Variants in NUP160 observed in about 807,000 individuals in gnomAD.
NUP160 encodes nucleoporin 160, also known as nuclear pore complex protein Nup160.
In NUP160, 94 loss-of-function variants were observed where a neutral mutation model predicts 196.9. The observed-to-expected ratio is 0.48, with a 90% CI of 0.40 to 0.57. NUP160 has a LOEUF of 0.57. Ranked by LOEUF, NUP160 falls within the 20% of genes least tolerant of loss-of-function variation. NUP160 has a pLI of 0.00. For missense variants in NUP160, 1,638 were observed against 1,748.3 expected (o/e 0.94, Z 1.13); for synonymous variants, 605 against 619.7 (o/e 0.98, Z 0.35).
At position 47,786,440 on chromosome 11, in the gene NUP160, A is replaced by G; in HGVS notation, c.3848+13T>C. 1 of 1,562,234 alleles carries G rather than the reference A, an allele frequency of 6.4e-7. No individual in the cohort carries two copies. Among genetic ancestry groups the G allele is most frequent in the South Asian group, 1.1e-5 (1 of 89,828 alleles). On this transcript the variant is annotated intron_variant, in intron 32 of 35. Coordinates refer to ENST00000378460, the Ensembl canonical transcript of NUP160. Reference sequence around the variant, plus strand: ...AAGGCAAAACTACCCAGGGTTGAACACCAGGGTTGTACCTAGACTCCTTAG... The same window carrying G: ...AAGGCAAAACTACCCAGGGTTGAACGCCAGGGTTGTACCTAGACTCCTTAG...
intron 13 of NUP160, among the ~76,000 whole-genome samples, chr11:47,813,943 C>T (rs902456586): frequency 1.3e-5 from 2 of 151,214 alleles, no homozygotes; most frequent in South Asian, 2.1e-4. Flanking sequence ...TGGTGGCGGG[C>T]GCCTGTAGTC....
At chr11:47,838,271 T>C (rs928437017) in intron 4 of NUP160, among the ~76,000 whole-genome samples, 2 of 152,180 alleles carry the variant, frequency 1.3e-5, no homozygotes, top group African/African-American at 4.8e-5. Context: ...GTTCCTGGCA[T>C]ATTCAAGGAA....
At chr11:47,848,403 T>A in exon 1 of NUP160, 1 of 1,587,704 alleles carries the variant, frequency 6.3e-7, no homozygotes, top group Non-Finnish European at 8.5e-7. Context: ...CGGGCGGAGC[T>A]GCGGACAGGT....
At chr11:47,790,915 C>A (rs2097667529) in intron 29 of NUP160, among the ~76,000 whole-genome samples, 1 of 152,142 alleles carries the variant, frequency 6.6e-6, no homozygotes, top group South Asian at 2.1e-4. Context: ...GTCAAACCAT[C>A]CTTTGCTGGC....
intron 4 of NUP160, 132 bp from the exon 5 acceptor site, chr11:47,837,755 G>T: frequency 1.6e-6 from 1 of 643,198 alleles, no homozygotes; most frequent in Non-Finnish European, 2.8e-6. Flanking sequence ...GGTTTAGGAT[G>T]TAACTTTCCT....
At chr11:47,781,063 A>G (rs1011899520) in intron 34 of NUP160, among the ~76,000 whole-genome samples, 2 of 151,714 alleles carry the variant, frequency 1.3e-5, no homozygotes, top group Non-Finnish European at 2.9e-5. Context: ...CGTCTCTACT[A>G]AAAATACAAA....
At chr11:47,834,497 T>G (rs1030854587) in intron 7 of NUP160, among the ~76,000 whole-genome samples, 1 of 152,148 alleles carries the variant, frequency 6.6e-6, no homozygotes, top group Non-Finnish European at 1.5e-5. Context: ...TTTTGGGCCA[T>G]ATTAGGAAAA....
rs779471896 is a variant in NUP160 at position 47,813,352 on chromosome 11, T to A, written c.1750A>T (p.Asn584Tyr). 1.9e-6 allele frequency: 3 copies of A among 1,611,394 alleles called. No individual in the cohort carries two copies. In the African/African-American group the frequency reaches 4.0e-5, roughly 22 times the overall value. ...GTTGTCTCATCTTCTGTCAAAAGGT[T>A]CTCATAAGGCAGGAGATACAAATGA... Residue 584 changes from asparagine to tyrosine, a missense_variant, in exon 14 of 36, where the codon AAC becomes TAC. Asn to Tyr is a moderately radical substitution (Grantham distance 143). This residue lies in a region of NUP160 where 1,345 missense variants were observed against 1,470.2 expected (regional missense o/e 0.91). Coordinates refer to ENST00000378460, the Ensembl canonical transcript of NUP160.
At chr11:47,826,101 T>A (rs1325921685) in intron 7 of NUP160, among the ~76,000 whole-genome samples, 2 of 152,140 alleles carry the variant, frequency 1.3e-5, no homozygotes, top group African/African-American at 4.8e-5. Flanking sequence ...AATCCATTAG[T>A]GGGACATAAA....
rs1455894004 is a variant in NUP160, at chr11:47,824,030, T to TATAC, written c.1102-1867_1102-1866insGTAT. Among the ~76,000 whole-genome samples, 8 of 121,032 alleles carry TATAC rather than the reference T, an allele frequency of 6.6e-5. No individual in the cohort carries two copies. The South Asian group carries it at 1.0e-3, about 16-fold the overall frequency. 79.4% of individuals were successfully genotyped at this position (121,032 alleles called of 152,430 possible). A position where few individuals can be genotyped will look rare whatever the true frequency, so the allele number is the denominator to read the frequency against. ...TTGCATATATATATATATATATATA[T>TATAC]ATATATATATATATATATATATACA... On this transcript the variant is annotated intron_variant, in intron 7 of 35. Transcript: ENST00000378460.
exon 1 of NUP160, chr11:47,848,399 G>A (rs1164667744): frequency 6.3e-7 from 1 of 1,594,714 alleles, no homozygotes. Flanking sequence ...GGGGCGGGCG[G>A]AGCTGCGGAC....
intron 22 of NUP160, 70 bp downstream of exon 22, chr11:47,803,368 C>CA: frequency 5.4e-6 from 5 of 930,384 alleles, no homozygotes; most frequent in Admixed American, 1.7e-5. Context: ...AAAACCTAGT[C>CA]AAATGGAAGC....
chr11:47,848,274 G>A (rs141663289), exon 1 of NUP160: 3 of 1,614,148 alleles, frequency 1.9e-6, no homozygotes, highest in Non-Finnish European at 2.5e-6. Flanking sequence ...GCTCAGCTCC[G>A]CTTAGCTCCA....
At chr11:47,798,416 C>T (rs766900091) in exon 24 of NUP160, 3 of 1,611,788 alleles carry the variant, frequency 1.9e-6, no homozygotes, top group South Asian at 2.2e-5. Flanking sequence ...ATGTAGCCAA[C>T]TGAATAACCA....
intron 2 of NUP160, among the ~76,000 whole-genome samples, chr11:47,844,866 T>C (rs1013599314): frequency 6.6e-6 from 1 of 152,208 alleles, no homozygotes; most frequent in East Asian, 1.9e-4. Flanking sequence ...CATAAAGACC[T>C]TGCTGATAAA....
exon 3 of NUP160, chr11:47,840,402 T>C: frequency 6.2e-7 from 1 of 1,614,036 alleles, no homozygotes; most frequent in Non-Finnish European, 8.5e-7. Context: ...GGGAGGGGTG[T>C]GGTAAAAGTA....
At chr11:47,820,971 C>G (rs1391199387) in intron 9 of NUP160, among the ~76,000 whole-genome samples, 1 of 132,942 alleles carries the variant, frequency 7.5e-6, no homozygotes, top group Non-Finnish European at 1.8e-5. Context: ...GTATGAGCCA[C>G]TGTGCCCAGC....
chr11:47,783,205 A>G lies in NUP160; in HGVS notation c.3991-7T>C, dbSNP rs1180730412. 1 of 1,612,594 alleles carries G rather than the reference A, an allele frequency of 6.2e-7. No homozygotes were observed. The highest frequency in any genetic ancestry group is 8.5e-7 in the Non-Finnish European group (1 of 1,179,512). On this transcript the variant is annotated splice_region_variant and splice_polypyrimidine_tract_variant and intron_variant, in intron 33 of 35. Coordinates refer to ENST00000378460, the Ensembl canonical transcript of NUP160. ...ATTCAGCAGCATCAACCTTCTGTGA[A>G]AAGTCAGTGATTAAGAATATGTACC...
At chr11:47,840,333 C>T (rs1394258657) in intron 3 of NUP160, 45 bp downstream of exon 3, 4 of 1,501,556 alleles carry the variant, frequency 2.7e-6, no homozygotes, top group Non-Finnish European at 3.7e-6. Flanking sequence ...TTGTGACACC[C>T]AGAGTAATTT....
Sources: gnomAD v4.1 joint callset for allele counts (sites outside exome capture counted in the v4.1 genomes callset) on GRCh38, gnomAD v4.1.1 for gene constraint, gnomAD v4.1.1 regional missense constraint, MANE v1.5 for transcripts, NCBI Gene and HGNC (gene_info 2026-07-23, HGNC 2026-07-21) for gene names.